Variants in CRACD observed in about 807,000 individuals in gnomAD.
The protein encoded by CRACD is capping protein-inhibiting regulator of actin dynamics.
In CRACD, 56 loss-of-function variants were observed where a neutral mutation model predicts 106.8. That is an observed-to-expected ratio of 0.52 (90% CI 0.42 to 0.66). CRACD has a LOEUF of 0.66. Ranked by LOEUF, CRACD falls within the 30% of genes least tolerant of loss-of-function variation. CRACD has a pLI of 0.00. For synonymous variants in CRACD, 754 were observed against 670.8 expected, an observed-to-expected ratio of 1.12 and a Z score of -1.92; for missense variants, 1,730 against 1,623.2, an observed-to-expected ratio of 1.07 and a Z score of -1.13.
At chr4:56,190,520 G>A (rs944474877) in intron 2 of CRACD, among the ~76,000 whole-genome samples, 6 of 152,202 alleles carry the variant, frequency 3.9e-5, no homozygotes, top group African/African-American at 9.7e-5. Flanking sequence ...TACTTTGGGC[G>A]ATTCTGAATT....
intron 1 of CRACD, among the ~76,000 whole-genome samples, chr4:56,073,077 T>G (rs983041553): frequency 3.9e-5 from 6 of 152,188 alleles, no homozygotes; most frequent in Non-Finnish European, 7.3e-5. Context: ...CGTTTGCCTG[T>G]GTCTTTATAG....
chr4:56,160,949 A>G (rs1021497378), intron 1 of CRACD, among the ~76,000 whole-genome samples: 45 of 152,210 alleles, frequency 3.0e-4, no homozygotes, highest in African/African-American at 1.1e-3. Flanking sequence ...CCAATGCAGG[A>G]GGAAGATGCA....
intron 2 of CRACD, among the ~76,000 whole-genome samples, chr4:56,183,367 C>T (rs530895219): frequency 2.9e-4 from 44 of 152,160 alleles, no homozygotes; most frequent in Middle Eastern, 6.8e-3. Flanking sequence ...AACGTGCAGC[C>T]GTCTAGCCAT....
At chr4:56,151,649 A>G (rs1735583023) in intron 1 of CRACD, among the ~76,000 whole-genome samples, 1 of 152,034 alleles carries the variant, frequency 6.6e-6, no homozygotes, top group African/African-American at 2.4e-5. Flanking sequence ...TGTCTGAATC[A>G]TGACCTTTCT....
chr4:56,225,337 A>G (rs1376913637), intron 2 of CRACD, among the ~76,000 whole-genome samples: 1 of 151,954 alleles, frequency 6.6e-6, no homozygotes, highest in Non-Finnish European at 1.5e-5. Flanking sequence ...CAGGTGATCA[A>G]CCCACCTAGG....
chr4:56,182,863 ATGTGTGTGTGTGTG>A (rs34291347), intron 2 of CRACD, among the ~76,000 whole-genome samples: 35 of 144,828 alleles, frequency 2.4e-4, no homozygotes, highest in Non-Finnish European at 3.6e-4. Flanking sequence ...AAAAAAAGAT[ATGTGTGTGTGTGTG>A]TGTGTGTGTG....
chr4:56,134,490 C>A (rs1734935139), intron 1 of CRACD, among the ~76,000 whole-genome samples: 1 of 152,152 alleles, frequency 6.6e-6, no homozygotes, highest in South Asian at 2.1e-4. Context: ...ATGCTGAGCT[C>A]CAGAACGGAT....
intron 2 of CRACD, among the ~76,000 whole-genome samples, chr4:56,218,894 G>A (rs931440622): frequency 6.6e-6 from 1 of 152,048 alleles, no homozygotes; most frequent in Non-Finnish European, 1.5e-5. Flanking sequence ...TTTATTTTGG[G>A]CTATAACATA....
At chr4:56,196,986 A>G (rs538673184) in intron 2 of CRACD, among the ~76,000 whole-genome samples, 6 of 152,296 alleles carry the variant, frequency 3.9e-5, no homozygotes, top group African/African-American at 1.4e-4. Context: ...TATATCATCT[A>G]TTATAGAAAA....
intron 2 of CRACD, among the ~76,000 whole-genome samples, chr4:56,222,727 C>T (rs538435004): frequency 7.6e-4 from 115 of 152,028 alleles, no homozygotes; most frequent in African/African-American, 2.7e-3. Context: ...TGGTGAATCA[C>T]TTGAGTTCAG....
At chr4:56,311,742 C>T (rs1441713513) in intron 6 of CRACD, 1 of 152,228 alleles carries the variant, frequency 6.6e-6, no homozygotes, top group Non-Finnish European at 1.5e-5. Context: ...ATCTGCTAAA[C>T]CTCACCACTC....
intron 1 of CRACD, among the ~76,000 whole-genome samples, chr4:56,100,641 A>C (rs1733747944): frequency 6.6e-6 from 1 of 152,214 alleles, no homozygotes; most frequent in Non-Finnish European, 1.5e-5. Context: ...GGATTATAAG[A>C]GTAGGCACTA....
At chr4:56,277,049 G>A (rs986269840) in intron 3 of CRACD, among the ~76,000 whole-genome samples, 2 of 152,144 alleles carry the variant, frequency 1.3e-5, no homozygotes, top group Non-Finnish European at 2.9e-5. Flanking sequence ...TGAGAGGGAA[G>A]GCATGAACCT....
At chr4:56,211,306 G>C (rs922749869) in intron 2 of CRACD, among the ~76,000 whole-genome samples, 1 of 152,200 alleles carries the variant, frequency 6.6e-6, no homozygotes, top group African/African-American at 2.4e-5. Context: ...CACTTTGCAA[G>C]CTGGGAACCT....
intron 1 of CRACD, among the ~76,000 whole-genome samples, chr4:56,052,021 T>G (rs560040950): frequency 1.3e-5 from 2 of 152,350 alleles, no homozygotes; most frequent in Non-Finnish European, 2.9e-5. Context: ...TTTATTTTCA[T>G]TATTTTAATG....
At position 56,314,711 on chromosome 4, in the gene CRACD, A is replaced by AGAGGAG. The variant is rs778641457; in HGVS notation, c.1217_1222dup (p.Glu406_Glu407dup). ...GCGCGGAGGAGGAGGATCTGGGGGA[A>AGAGGAG]GAGGAGGAGGAGGGCCAGGCGCACC... is the stretch of plus-strand genomic sequence containing the variant. On this transcript the variant is annotated inframe_insertion, in exon 8 of 11. Coordinates refer to ENST00000682029, the MANE Select transcript of CRACD (RefSeq NM_001393381.1). This position sits in a 1 kb window ranked among gnomAD's most constrained non-coding sequence, Gnocchi z 4.4. 3 of 1,562,834 alleles carry AGAGGAG rather than the reference A, an allele frequency of 1.9e-6. No individual in the cohort carries two copies.
At chr4:56,286,693 C>T (rs538647335) in intron 3 of CRACD, among the ~76,000 whole-genome samples, 6 of 152,118 alleles carry the variant, frequency 3.9e-5, no homozygotes, top group Non-Finnish European at 7.4e-5. Flanking sequence ...CGACTGCTCT[C>T]GGGGTTCCTG....
intron 8 of CRACD, among the ~76,000 whole-genome samples, chr4:56,317,115 G>C (rs1474108881): frequency 6.6e-6 from 1 of 152,196 alleles, no homozygotes; most frequent in Non-Finnish European, 1.5e-5. Flanking sequence ...TTAGATACTA[G>C]GGAAGTTTAA....
intron 3 of CRACD, among the ~76,000 whole-genome samples, chr4:56,293,173 G>C (rs1163516345): frequency 6.6e-6 from 1 of 152,180 alleles, no homozygotes. Context: ...TGAGTAAAAA[G>C]AATGGTAGCT....
Sources: allele counts gnomAD v4.1 joint callset (sites outside exome capture counted in the v4.1 genomes callset), GRCh38; gene constraint gnomAD v4.1.1; non-coding constraint Gnocchi (gnomAD v3.1); transcripts MANE v1.5; gene names NCBI Gene and HGNC (gene_info 2026-07-23, HGNC 2026-07-21).